Variants in ACOXL observed in about 807,000 individuals in gnomAD.
ACOXL encodes the protein acyl-coenzyme A oxidase-like protein.
Under a neutral mutation model 71.9 loss-of-function variants are expected in ACOXL, and 70 were observed. The observed-to-expected ratio is 0.97, with a 90% CI of 0.80 to 1.19. The LOEUF is 1.19. Ranked by LOEUF, ACOXL falls within the 50% of genes most tolerant of loss-of-function variation. ACOXL has a pLI of 0.00. For missense variants in ACOXL, 703 were observed against 736.3 expected (o/e 0.95, Z 0.52); for synonymous variants, 253 against 281.6 (o/e 0.90, Z 1.02).
chr2:110,765,075 T>C (rs1207746550), intron 1 of ACOXL, among the ~76,000 whole-genome samples: 1 of 152,256 alleles, frequency 6.6e-6, no homozygotes, highest in Non-Finnish European at 1.5e-5. Context: ...TTGACAGTTA[T>C]TTTGTCTCAG....
intron 16 of ACOXL, among the ~76,000 whole-genome samples, chr2:111,082,770 A>T (rs2067994551): frequency 6.6e-6 from 1 of 152,202 alleles, no homozygotes. Context: ...AATAGCAAAA[A>T]CTTGGAACCA....
intron 14 of ACOXL, among the ~76,000 whole-genome samples, chr2:111,024,599 G>A (rs570269046): frequency 6.6e-6 from 1 of 152,324 alleles, no homozygotes; most frequent in Non-Finnish European, 1.5e-5. Context: ...ATTGTGGTAA[G>A]GAGTTACAGC....
intron 10 of ACOXL, among the ~76,000 whole-genome samples, chr2:110,845,330 G>T (rs1413626646): frequency 6.6e-6 from 1 of 152,186 alleles, no homozygotes; most frequent in Admixed American, 6.5e-5. Context: ...TCTCATTCGT[G>T]AGGGAGGAGC....
chr2:111,117,569 G>C lies in ACOXL; in HGVS notation c.1543-47G>C, dbSNP rs537878998. ...TGAAAGCTGCTGTCACTAGATGGCTGTAAGTGTGCCAACATCTGACCTGTC... is the reference window on the plus strand; with the variant it reads ...TGAAAGCTGCTGTCACTAGATGGCTCTAAGTGTGCCAACATCTGACCTGTC... On this transcript the variant is annotated intron_variant, in intron 17 of 17. Transcript: ENST00000439055. The C allele has an allele frequency of 2.7e-5, 42 of 1,543,314 alleles. 1 individual carries two copies. In the Middle Eastern group the frequency reaches 8.4e-4, roughly 31 times the overall value.
intron 12 of ACOXL, among the ~76,000 whole-genome samples, chr2:110,966,019 CA>C (rs1189309010): frequency 2.0e-5 from 3 of 152,194 alleles, no homozygotes; most frequent in South Asian, 2.1e-4. Flanking sequence ...CCAGACACAA[CA>C]AAAAAACATA....
chr2:111,059,624 A>C (rs1351803295), intron 16 of ACOXL, among the ~76,000 whole-genome samples: 1 of 152,214 alleles, frequency 6.6e-6, no homozygotes, highest in Non-Finnish European at 1.5e-5. Context: ...CTGAAAGGTA[A>C]GAACTAGAAA....
chr2:111,106,112 CCTCTT>C (rs2150066314), intron 17 of ACOXL, among the ~76,000 whole-genome samples: 1 of 152,302 alleles, frequency 6.6e-6, no homozygotes, highest in South Asian at 2.1e-4. Flanking sequence ...CAGCCCACTT[CCTCTT>C]CTCTTTTCAG....
chr2:110,767,348 G>T (rs1165865352), intron 1 of ACOXL, among the ~76,000 whole-genome samples: 1 of 152,208 alleles, frequency 6.6e-6, no homozygotes, highest in African/African-American at 2.4e-5. Flanking sequence ...AGCTGGATTG[G>T]TGGGGAGAAC....
intron 11 of ACOXL, among the ~76,000 whole-genome samples, chr2:110,921,372 G>A (rs1273672371): frequency 7.5e-6 from 1 of 133,944 alleles, no homozygotes; most frequent in African/African-American, 2.8e-5. Context: ...CTCTCTCTCT[G>A]TGTCTCTATA....
At chr2:110,760,821 G>C (rs1318656386) in intron 1 of ACOXL, among the ~76,000 whole-genome samples, 1 of 152,172 alleles carries the variant, frequency 6.6e-6, no homozygotes, top group Non-Finnish European at 1.5e-5. Flanking sequence ...GAACAAGACA[G>C]ATAGGGAAAT....
intron 9 of ACOXL, among the ~76,000 whole-genome samples, chr2:110,823,433 A>G (rs1453786771): frequency 6.6e-6 from 1 of 152,222 alleles, no homozygotes; most frequent in Non-Finnish European, 1.5e-5. Flanking sequence ...ATTTGTATGC[A>G]GGTCTTTTGT....
At chr2:110,966,786 T>A (rs2061950075) in intron 12 of ACOXL, among the ~76,000 whole-genome samples, 1 of 152,140 alleles carries the variant, frequency 6.6e-6, no homozygotes, top group South Asian at 2.1e-4. Flanking sequence ...GCTTCCCCAC[T>A]CCCTTCCCTG....
At chr2:110,928,883 C>A (rs1276032756) in intron 11 of ACOXL, among the ~76,000 whole-genome samples, 1 of 152,232 alleles carries the variant, frequency 6.6e-6, no homozygotes, top group Non-Finnish European at 1.5e-5. Context: ...CCATTGTCTT[C>A]TTCCCTGCCA....
chr2:110,808,427 C>T (rs1686927401), intron 9 of ACOXL, among the ~76,000 whole-genome samples: 1 of 152,098 alleles, frequency 6.6e-6, no homozygotes, highest in Non-Finnish European at 1.5e-5. Flanking sequence ...GGGCTCTGCT[C>T]CTTGAGACCC....
Position 110,768,385 on chromosome 2 carries a change from A to G in ACOXL, c.-5A>G. On this transcript the variant is annotated 5_prime_UTR_variant, in exon 2 of 18. The change abolishes an upstream ATG in the 5' untranslated region. Coordinates refer to ENST00000439055, the MANE Select transcript of ACOXL (RefSeq NM_001142807.4). Reference sequence around the variant, plus strand: ...CTTCACAGGTATGATTTAAGCTTGGATGAAATGAGAGCTTTGACAGTTCAG... The same window carrying G: ...CTTCACAGGTATGATTTAAGCTTGGGTGAAATGAGAGCTTTGACAGTTCAG... 6.2e-7 allele frequency: 1 copy of G among 1,614,030 alleles called. No individual in the cohort carries two copies. Among genetic ancestry groups the G allele is most frequent in the South Asian group, 1.1e-5 (1 of 91,062 alleles).
At chr2:110,748,674 G>C (rs1487482590) in intron 1 of ACOXL, among the ~76,000 whole-genome samples, 1 of 152,136 alleles carries the variant, frequency 6.6e-6, no homozygotes, top group African/African-American at 2.4e-5. Flanking sequence ...GTGGCTCCTG[G>C]GAGTGGGGTG....
chr2:110,883,842 C>T (rs888236079), intron 10 of ACOXL, among the ~76,000 whole-genome samples: 6 of 152,096 alleles, frequency 3.9e-5, no homozygotes, highest in African/African-American at 1.2e-4. Flanking sequence ...CATACTCCAT[C>T]CTTTGTATGA....
intron 11 of ACOXL, 55 bp from the exon 12 acceptor site, chr2:110,933,434 C>T: frequency 6.3e-7 from 1 of 1,575,220 alleles, no homozygotes; most frequent in Non-Finnish European, 8.7e-7. Context: ...TGCTCCTTCA[C>T]ACATGTGCTG....
In ACOXL at chr2:110,877,401, C is replaced by T. The variant is rs530792285; in HGVS notation, c.789-31388C>T. 6.6e-5 allele frequency among the ~76,000 whole-genome samples: 10 copies of T among 152,374 alleles called. No homozygotes were observed. The South Asian group carries it at 2.1e-3, about 32-fold the overall frequency. ...GCTTCTGCTGCGGCCCGTGTGCTTG[C>T]TTTCTAGATGTTTTTAGAAAGATCT... On this transcript the variant is annotated intron_variant, in intron 10 of 17. Transcript: ENST00000439055.
Sources: gnomAD v4.1 joint callset for allele counts (sites outside exome capture counted in the v4.1 genomes callset) on GRCh38, gnomAD v4.1.1 for gene constraint, MANE v1.5 for transcripts, NCBI Gene and HGNC (gene_info 2026-07-23, HGNC 2026-07-21) for gene names.